Variants in FBXO16 observed in about 807,000 individuals in gnomAD.
The protein encoded by FBXO16 is F-box only protein 16.
Under a neutral mutation model 41.0 loss-of-function variants are expected in FBXO16, and 31 were observed. The observed-to-expected ratio is 0.76, with a 90% CI of 0.57 to 1.02. The LOEUF (loss-of-function observed/expected upper bound fraction) is 1.02. Ranked by LOEUF, FBXO16 falls within the 50% of genes least tolerant of loss-of-function variation. The pLI, the probability that FBXO16 is intolerant of heterozygous loss-of-function variation, is 0.00. For synonymous variants in FBXO16, 133 were observed against 117.8 expected, an observed-to-expected ratio of 1.13 and a Z score of -0.84; for missense variants, 361 against 346.2, an observed-to-expected ratio of 1.04 and a Z score of -0.34.
intron 3 of FBXO16, among the ~76,000 whole-genome samples, chr8:28,468,559 G>T (rs1489751944): frequency 6.6e-6 from 1 of 152,196 alleles, no homozygotes; most frequent in African/African-American, 2.4e-5. Flanking sequence ...GCTGGGCGAG[G>T]TGGCTCACAT....
At chr8:28,444,586 T>C (rs1802832344) in intron 7 of FBXO16, among the ~76,000 whole-genome samples, 1 of 150,302 alleles carries the variant, frequency 6.7e-6, no homozygotes, top group Non-Finnish European at 1.5e-5. Flanking sequence ...CACGCCATTC[T>C]CCTGCCTCAG....
At chr8:28,470,667 C>T (rs188492249) in intron 3 of FBXO16, among the ~76,000 whole-genome samples, 15 of 152,224 alleles carry the variant, frequency 9.9e-5, no homozygotes, top group Non-Finnish European at 1.5e-4. Context: ...TTGGGAATTT[C>T]GTTGTTTTCA....
At chr8:28,484,655 G>A (rs1019195149) in intron 1 of FBXO16, among the ~76,000 whole-genome samples, 11 of 152,306 alleles carry the variant, frequency 7.2e-5, no homozygotes, top group East Asian at 3.9e-4. Flanking sequence ...GCAGTAGTAC[G>A]ATCTCGGCTC....
intron 7 of FBXO16, among the ~76,000 whole-genome samples, chr8:28,445,788 C>T (rs1371509867): frequency 6.6e-6 from 1 of 152,096 alleles, no homozygotes; most frequent in Admixed American, 6.6e-5. Flanking sequence ...CTTGAAAATA[C>T]ATTTTAACAG....
At chr8:28,435,585 G>A (rs929049597) in intron 7 of FBXO16, among the ~76,000 whole-genome samples, 3 of 152,140 alleles carry the variant, frequency 2.0e-5, no homozygotes, top group Non-Finnish European at 4.4e-5. Flanking sequence ...TCCCCACGTG[G>A]CTGGGTCAGG....
chr8:28,477,926 T>C (rs558596076), intron 2 of FBXO16, among the ~76,000 whole-genome samples: 16 of 152,170 alleles, frequency 1.1e-4, no homozygotes, highest in South Asian at 4.1e-4. Flanking sequence ...GACAGGAAGA[T>C]AGCTTGAGCC....
chr8:28,430,951 A>G (rs1006090556), intron 7 of FBXO16, among the ~76,000 whole-genome samples: 19 of 152,216 alleles, frequency 1.2e-4, no homozygotes, highest in African/African-American at 4.3e-4. Flanking sequence ...AGCCTGGGCA[A>G]CATGAGTGAA....
At chr8:28,428,770 T>C (rs1164309927) in intron 8 of FBXO16, 34 bp from the exon 9 acceptor site, 2 of 1,481,044 alleles carry the variant, frequency 1.4e-6, no homozygotes, top group East Asian at 2.5e-5. Flanking sequence ...AAAGCGAGGG[T>C]TATTGAAATA....
Position 28,483,369 on chromosome 8 carries a change from G to A in FBXO16, c.78C>T (p.Asn26=), listed in dbSNP as rs751287165. The A allele has an allele frequency of 7.4e-6, 12 of 1,614,024 alleles. No homozygotes were observed. In the South Asian group the frequency reaches 9.9e-5, roughly 13 times the overall value. The change falls in exon 2 of 9, where the codon AAC becomes AAT. Residue 26 remains asparagine, a synonymous_variant. Coordinates refer to ENST00000380254, the MANE Select transcript of FBXO16 (RefSeq NM_172366.4). ...TTACCCGGTCATTCAATAGCTGATG[G>A]TTTAGGGGTGTCCAGGTGCTCATCT... ...QTKMSTWTPL[N]HQLLNDRVFE...
At chr8:28,470,461 AGT>A (rs1803316713) in intron 3 of FBXO16, among the ~76,000 whole-genome samples, 1 of 152,196 alleles carries the variant, frequency 6.6e-6, no homozygotes, top group Admixed American at 6.5e-5. Context: ...ATATTTCTCT[AGT>A]ATACATAAAT....
rs576573824 is a variant in FBXO16, at chr8:28,487,091, A to G, written c.-17+3095T>C. On this transcript the variant is annotated intron_variant, in intron 1 of 8. Coordinates refer to ENST00000380254, the MANE Select transcript of FBXO16 (RefSeq NM_172366.4). ...GTAGCTTTCCTTGGTAACTCCCCCA[A>G]GCGCCTGCACTGGTTGTTTTCTTTT... Among the ~76,000 whole-genome samples the G allele has an allele frequency of 1.1e-4, 16 of 152,110 alleles. 1 individual carries two copies. The highest frequency in any genetic ancestry group is 2.4e-4 in the Non-Finnish European group (16 of 67,964).
chr8:28,454,745 A>AAT (rs1803011856), intron 5 of FBXO16, among the ~76,000 whole-genome samples: 1 of 104,892 alleles, frequency 9.5e-6, no homozygotes. Flanking sequence ...AAAAAAAAAA[A>AAT]AAAAAAGGAT....
In FBXO16 at chr8:28,434,730, C is replaced by G. The variant is rs78868169; in HGVS notation, c.844-5327G>C. On this transcript the variant is annotated intron_variant, in intron 7 of 8. Coordinates refer to ENST00000380254, the MANE Select transcript of FBXO16 (RefSeq NM_172366.4). ...TTTGCCAGACTTGCAGCAGGGGTGCCCTGTCTACTGGGCCTGCTGTGCTCA... is the reference window on the plus strand; with the variant it reads ...TTTGCCAGACTTGCAGCAGGGGTGCGCTGTCTACTGGGCCTGCTGTGCTCA... Among the ~76,000 whole-genome samples the G allele has an allele frequency of 3.8e-3, 575 of 152,354 alleles. 5 individuals are homozygous for G. The highest frequency in any genetic ancestry group is 0.013 in the African/African-American group (524 of 41,576).
intron 2 of FBXO16, 95 bp downstream of exon 2, chr8:28,483,253 A>T: frequency 8.6e-7 from 1 of 1,164,590 alleles, no homozygotes; most frequent in Non-Finnish European, 1.2e-6. Context: ...ACACAATCTT[A>T]AATAATCCCT....
chr8:28,472,483 C>T (rs1803353706), intron 3 of FBXO16, among the ~76,000 whole-genome samples: 1 of 152,028 alleles, frequency 6.6e-6, no homozygotes, highest in Admixed American at 6.6e-5. Context: ...ACCTGTAATC[C>T]CAGCACTTTG....
chr8:28,434,366 T>C (rs17059084), intron 7 of FBXO16, among the ~76,000 whole-genome samples: 16,200 of 152,196 alleles, frequency 0.11, 2,359 homozygotes, highest in African/African-American at 0.32. Flanking sequence ...ATCAGTTAAG[T>C]GAACACATTA....
chr8:28,474,906 T>C (rs190128244), intron 2 of FBXO16, among the ~76,000 whole-genome samples: 1 of 152,316 alleles, frequency 6.6e-6, no homozygotes, highest in Admixed American at 6.5e-5. Flanking sequence ...GAGGTGGTTT[T>C]CTGAGCATCA....
chr8:28,481,647 TAAAAATAC>T (rs1722961440), intron 2 of FBXO16, among the ~76,000 whole-genome samples: 1 of 151,724 alleles, frequency 6.6e-6, no homozygotes, highest in South Asian at 2.1e-4. Context: ...CTGTCTCCAC[TAAAAATAC>T]AAAAATCAGC....
intron 3 of FBXO16, among the ~76,000 whole-genome samples, chr8:28,469,571 G>C (rs1317059599): frequency 6.6e-6 from 1 of 152,088 alleles, no homozygotes; most frequent in Non-Finnish European, 1.5e-5. Context: ...ATAAATTAGA[G>C]TACACCCATC....
Sources: gnomAD v4.1 joint callset for allele counts (sites outside exome capture counted in the v4.1 genomes callset) on GRCh38, gnomAD v4.1.1 for gene constraint, MANE v1.5 for transcripts, NCBI Gene and HGNC (gene_info 2026-07-23, HGNC 2026-07-21) for gene names.